Variants in SCAF4 observed in about 807,000 individuals in gnomAD.
SCAF4 encodes SR-related and CTD-associated factor 4.
A neutral mutation model predicts 129.8 loss-of-function variants in SCAF4; 25 were observed. That is an observed-to-expected ratio of 0.19 (90% CI 0.14 to 0.27). SCAF4 has a LOEUF of 0.27. SCAF4 is among the 10% of genes least tolerant of loss of function. The pLI is 1.00. For synonymous variants in SCAF4, 551 were observed against 497.7 expected, an observed-to-expected ratio of 1.11 and a Z score of -1.43; for missense variants, 1,246 against 1,457.1, an observed-to-expected ratio of 0.86 and a Z score of 2.36.
Position 31,685,412 on chromosome 21 carries a change from A to T in SCAF4, c.2282T>A (p.Ile761Lys). 1 of 1,611,858 alleles carries T rather than the reference A, an allele frequency of 6.2e-7. No homozygotes were observed. The highest frequency in any genetic ancestry group is 8.5e-7 in the Non-Finnish European group (1 of 1,178,852). ...VSIPPPHTPP[I>K]SIPNSTIAGI... ...AACATGCTTACAGTTTGGGATGCTT[A>T]TTGGTGGAGTGTGAGGAGGAGGAAT... The change falls in exon 18 of 20, where the codon ATA (isoleucine) becomes AAA (lysine). Residue 761 changes from isoleucine (I) to lysine (K), a missense_variant. Ile to Lys is a moderately radical substitution (Grantham distance 102). Around this residue, in one of 6 missense-constraint regions of SCAF4, gnomAD observed 468 missense variants for 605.5 expected, o/e 0.77. Transcript: ENST00000286835.
chr21:31,706,854 AAG>A (rs1201189821), intron 1 of SCAF4: 1 of 249,152 alleles, frequency 4.0e-6, no homozygotes, highest in African/African-American at 2.4e-5. Flanking sequence ...CCAGAGAAAG[AAG>A]CCAAGTCTAC....
intron 7 of SCAF4, among the ~76,000 whole-genome samples, chr21:31,699,258 A>G (rs1601225016): frequency 6.6e-6 from 1 of 152,210 alleles, no homozygotes; most frequent in Admixed American, 6.5e-5. Flanking sequence ...CCATATTCTA[A>G]AACAGATTCC....
At chr21:31,697,617 C>A (rs1037556612) in intron 7 of SCAF4, among the ~76,000 whole-genome samples, 5 of 152,232 alleles carry the variant, frequency 3.3e-5, no homozygotes, top group Non-Finnish European at 7.3e-5. Flanking sequence ...AATAAGCAAT[C>A]TTTCCTTTCA....
chr21:31,707,175 C>T (rs2050687858), intron 1 of SCAF4, among the ~76,000 whole-genome samples: 2 of 151,944 alleles, frequency 1.3e-5, no homozygotes, highest in African/African-American at 4.8e-5. Context: ...TTTTTATATC[C>T]TATAATGTCT....
At chr21:31,694,043 A>G (rs2050322992) in intron 11 of SCAF4, among the ~76,000 whole-genome samples, 161 bp downstream of exon 11, 1 of 151,948 alleles carries the variant, frequency 6.6e-6, no homozygotes, top group South Asian at 2.1e-4. Context: ...TTTTTTTTAC[A>G]TCAATACTTC....
At chr21:31,728,571 T>A (rs1412730571) in intron 1 of SCAF4, among the ~76,000 whole-genome samples, 1 of 152,234 alleles carries the variant, frequency 6.6e-6, no homozygotes, top group African/African-American at 2.4e-5. Context: ...CTATTTATTA[T>A]AATTTCTTGG....
chr21:31,715,536 G>A (rs537144728), intron 1 of SCAF4, among the ~76,000 whole-genome samples: 3 of 152,228 alleles, frequency 2.0e-5, no homozygotes, highest in African/African-American at 7.2e-5. Flanking sequence ...AAATCTTCAG[G>A]CTGCTTTCAC....
intron 8 of SCAF4, 65 bp downstream of exon 8, chr21:31,696,504 C>A: frequency 7.2e-7 from 1 of 1,380,578 alleles, no homozygotes. Flanking sequence ...CTAAATGTTA[C>A]TTAGGTTATG....
intron 19 of SCAF4, among the ~76,000 whole-genome samples, chr21:31,673,894 G>A (rs932387275): frequency 6.6e-6 from 1 of 151,640 alleles, no homozygotes; most frequent in Admixed American, 6.5e-5. Context: ...AATGACCAAT[G>A]TTTACTGTTA....
In SCAF4 at chr21:31,703,942, T is replaced by G; in HGVS notation, c.160-16A>C. On this transcript the variant is annotated splice_polypyrimidine_tract_variant and intron_variant, in intron 3 of 19. Transcript: ENST00000286835. ...CTGGTTTACACTGCAAGGATAAAGA[T>G]GTAAGATCAGTACAGAAAAAGCAAA... The G allele has an allele frequency of 1.3e-6, 2 of 1,498,554 alleles. No homozygotes were observed. Among genetic ancestry groups the G allele is most frequent in the Non-Finnish European group, 1.8e-6 (2 of 1,102,074 alleles). 92.8% of individuals were successfully genotyped at this position (1,498,554 alleles called of 1,614,324 possible). A position where few individuals can be genotyped will look rare whatever the true frequency, so the allele number is the denominator to read the frequency against.
intron 19 of SCAF4, among the ~76,000 whole-genome samples, chr21:31,677,577 T>C (rs1004643422): frequency 6.6e-6 from 1 of 152,212 alleles, no homozygotes; most frequent in African/African-American, 2.4e-5. Flanking sequence ...TTCATTTTGC[T>C]AAATCCAGCT....
At chr21:31,674,286 T>A (rs2049792298) in intron 19 of SCAF4, among the ~76,000 whole-genome samples, 1 of 152,214 alleles carries the variant, frequency 6.6e-6, no homozygotes, top group African/African-American at 2.4e-5. Context: ...TTTACAATAA[T>A]CATATAAACC....
At chr21:31,717,323 G>C (rs1037681158) in intron 1 of SCAF4, among the ~76,000 whole-genome samples, 1 of 151,982 alleles carries the variant, frequency 6.6e-6, no homozygotes, top group African/African-American at 2.4e-5. Context: ...CTATTAAAAA[G>C]ATCTGGTAAC....
At chr21:31,682,701 T>C (rs2050025128) in intron 19 of SCAF4, among the ~76,000 whole-genome samples, 1 of 152,234 alleles carries the variant, frequency 6.6e-6, no homozygotes, top group Non-Finnish European at 1.5e-5. Flanking sequence ...CTGGTGAGCA[T>C]AACAATTCCT....
In SCAF4 at chr21:31,732,103, C is replaced by G. The variant is rs1186830404; in HGVS notation, c.-411G>C. 3 of 406,504 alleles carry G rather than the reference C, an allele frequency of 7.4e-6. No homozygotes were observed. Among genetic ancestry groups the G allele is most frequent in the Non-Finnish European group, 1.3e-5 (3 of 232,304 alleles). 25.2% of individuals were successfully genotyped at this position (406,504 alleles called of 1,614,324 possible). ...ATGGCGGCAGCGGCCCGAGTCCACGCCGCGCGGGGCACCCTGGGACGGCTC... is the reference window on the plus strand; with the variant it reads ...ATGGCGGCAGCGGCCCGAGTCCACGGCGCGCGGGGCACCCTGGGACGGCTC... On this transcript the variant is annotated 5_prime_UTR_variant, in exon 1 of 20. Transcript: ENST00000286835.
At chr21:31,682,822 G>A (rs182290477) in intron 19 of SCAF4, among the ~76,000 whole-genome samples, 95 of 152,270 alleles carry the variant, frequency 6.2e-4, no homozygotes, top group Non-Finnish European at 1.2e-3. Flanking sequence ...CTTTAGTACT[G>A]CAATACTGCA....
At chr21:31,678,179 G>A (rs776204432) in intron 19 of SCAF4, among the ~76,000 whole-genome samples, 3 of 152,072 alleles carry the variant, frequency 2.0e-5, no homozygotes, top group Admixed American at 6.5e-5. Flanking sequence ...CTGTACCTGG[G>A]TATCAAAGTT....
intron 1 of SCAF4, among the ~76,000 whole-genome samples, chr21:31,709,403 A>ACTTCT (rs1247368544): frequency 6.6e-6 from 1 of 152,038 alleles, no homozygotes; most frequent in Non-Finnish European, 1.5e-5. Context: ...AGTAAGAACT[A>ACTTCT]CTTCTCTGGT....
Position 31,684,992 on chromosome 21 carries a change from G to T in SCAF4, c.2488+57C>A, listed in dbSNP as rs769481254. On this transcript the variant is annotated intron_variant, in intron 19 of 19. Coordinates refer to ENST00000286835, the MANE Select transcript of SCAF4 (RefSeq NM_020706.2). ...AAAAAAATCTAACTTGGGGATGGGT[G>T]GGGGGGTGGGGGGGGGGTGGGGCAA... 1.2e-5 allele frequency: 7 copies of T among 579,566 alleles called. No homozygotes were observed. The East Asian group carries it at 2.1e-4, about 17-fold the overall frequency. The allele number at this position is 579,566 out of a possible 1,614,324, so 35.9% of individuals were successfully genotyped here. A position where few individuals can be genotyped will look rare whatever the true frequency, so the allele number is the denominator to read the frequency against.
Sources: allele counts gnomAD v4.1 joint callset (sites outside exome capture counted in the v4.1 genomes callset), GRCh38; gene constraint gnomAD v4.1.1; regional missense constraint gnomAD v4.1.1; transcripts MANE v1.5; gene names NCBI Gene and HGNC (gene_info 2026-07-23, HGNC 2026-07-21).